DZANK1: variants seen among roughly 807,000 people sequenced by gnomAD.
The protein encoded by DZANK1 is double zinc ribbon and ankyrin repeat-containing protein 1.
DZANK1 carries 91 observed loss-of-function variants against 94.5 expected under a neutral mutation model. The ratio of observed to expected loss-of-function variants is 0.96; its 90% CI spans 0.81 to 1.15. DZANK1 has a LOEUF of 1.15. Among genes scored for constraint, DZANK1 ranks in the 50% most tolerant of loss-of-function variants. The probability of loss-of-function intolerance (pLI) is 0.00; values close to 1 mark genes in which losing one functional copy is unlikely to be tolerated. For missense variants in DZANK1, 903 were observed against 916.4 expected (o/e 0.99, Z 0.19); for synonymous variants, 312 against 325.3 (o/e 0.96, Z 0.44).
At chr20:18,457,284 G>A (rs1055688546) in intron 3 of DZANK1, among the ~76,000 whole-genome samples, 1 of 152,110 alleles carries the variant, frequency 6.6e-6, no homozygotes, top group East Asian at 1.9e-4. Flanking sequence ...CGACCAGCCT[G>A]GCCAACATAG....
At chr20:18,458,907 G>A (rs557549301) in intron 3 of DZANK1, among the ~76,000 whole-genome samples, 1 of 152,280 alleles carries the variant, frequency 6.6e-6, no homozygotes, top group East Asian at 1.9e-4. Context: ...AAACTCAAAC[G>A]TTTTTAAATA....
chr20:18,437,182 A>G (rs796604640), intron 8 of DZANK1, among the ~76,000 whole-genome samples: 3 of 152,362 alleles, frequency 2.0e-5, no homozygotes, highest in African/African-American at 7.2e-5. Flanking sequence ...ATAAGATTGT[A>G]TAACACCGCA....
intron 13 of DZANK1, among the ~76,000 whole-genome samples, chr20:18,406,238 TA>T (rs2056956309): frequency 6.6e-6 from 1 of 152,202 alleles, no homozygotes; most frequent in African/African-American, 2.4e-5. Context: ...GGAGGACTTG[TA>T]ATATTCCTTC....
chr20:18,463,792 C>T (rs1274151481), intron 2 of DZANK1, among the ~76,000 whole-genome samples: 1 of 152,054 alleles, frequency 6.6e-6, no homozygotes, highest in Admixed American at 6.6e-5. Context: ...AGTTAGAACT[C>T]TTGGTCTAAG....
In DZANK1 at chr20:18,390,605, GCCCACA is replaced by G. The variant is rs543036248; in HGVS notation, c.1810-152_1810-147del. ...GTGAGTGTGTGAGTGGTCTTTAATAGCCCACAGCACAAATATCCACATCTAATATCA... is the reference window on the plus strand; with the variant it reads ...GTGAGTGTGTGAGTGGTCTTTAATAGGCACAAATATCCACATCTAATATCA... On this transcript the variant is annotated intron_variant, in intron 17 of 20. Coordinates refer to ENST00000262547, the Ensembl canonical transcript of DZANK1. 246 of 694,704 alleles carry G rather than the reference GCCCACA, an allele frequency of 3.5e-4. No homozygotes were observed. The African/African-American group carries it at 3.9e-3, about 11-fold the overall frequency. The allele number at this position is 694,704 out of a possible 1,614,324, so 43.0% of individuals were successfully genotyped here.
At chr20:18,397,033 A>G (rs1356966128) in intron 14 of DZANK1, among the ~76,000 whole-genome samples, 2 of 152,366 alleles carry the variant, frequency 1.3e-5, no homozygotes, top group South Asian at 4.1e-4. Context: ...AGGGTCAGAT[A>G]GTAAATATTT....
rs1008459774 is a variant in DZANK1, at chr20:18,384,633, T to C, written c.2094-69A>G. On this transcript the variant is annotated intron_variant, in intron 20 of 20. Transcript: ENST00000262547. ...ACATGTGACCCTAAGAGCTTGACTC[T>C]ACCCTGCCATGGAGGCCAGGCTGGG... The C allele has an allele frequency of 6.8e-6, 10 of 1,469,482 alleles. No homozygotes were observed. In the African/African-American group the frequency reaches 1.3e-4, roughly 19 times the overall value. The allele number at this position is 1,469,482 out of a possible 1,614,324, so 91.0% of individuals were successfully genotyped here.
chr20:18,392,810 C>CAAACT (rs1351188468), intron 17 of DZANK1, among the ~76,000 whole-genome samples: 1 of 151,998 alleles, frequency 6.6e-6, no homozygotes, highest in Non-Finnish European at 1.5e-5. Flanking sequence ...CAAACCAAAC[C>CAAACT]AAACCAACAA....
chr20:18,404,458 T>C (rs976623848), intron 13 of DZANK1, among the ~76,000 whole-genome samples: 1 of 152,072 alleles, frequency 6.6e-6, no homozygotes. Context: ...AGCTTCATAC[T>C]GTGGGGGTGA....
chr20:18,401,945 G>C (rs916312557), intron 13 of DZANK1, among the ~76,000 whole-genome samples: 2 of 152,152 alleles, frequency 1.3e-5, no homozygotes, highest in Non-Finnish European at 2.9e-5. Context: ...GGGATGTGAG[G>C]AGTGATTCTG....
rs1307228355 is a variant in DZANK1 at position 18,443,479 on chromosome 20, G to A, written c.630-15C>T. 1.4e-6 allele frequency: 2 copies of A among 1,383,048 alleles called. No individual in the cohort carries two copies. Among genetic ancestry groups the A allele is most frequent in the Non-Finnish European group, 1.9e-6 (2 of 1,047,908 alleles). The allele number at this position is 1,383,048 out of a possible 1,614,324, so 85.7% of individuals were successfully genotyped here. A position where few individuals can be genotyped will look rare whatever the true frequency, so the allele number is the denominator to read the frequency against. ...AGTGGGCACACCTACAACAAAACAG[G>A]TTCCCGATTGGCCATGTTCTGGTGG... On this transcript the variant is annotated splice_polypyrimidine_tract_variant and intron_variant, in intron 7 of 20. Coordinates refer to ENST00000262547, the Ensembl canonical transcript of DZANK1.
chr20:18,384,893 G>T, intron 20 of DZANK1, 123 bp downstream of exon 20: 1 of 932,266 alleles, frequency 1.1e-6, no homozygotes, highest in Non-Finnish European at 1.6e-6. Context: ...GCCATGGTGG[G>T]ATGGTGGTCC....
intron 19 of DZANK1, among the ~76,000 whole-genome samples, chr20:18,389,131 G>C (rs535439314): frequency 6.6e-6 from 1 of 152,188 alleles, no homozygotes; most frequent in Non-Finnish European, 1.5e-5. Context: ...TAGAAGAGAA[G>C]GTTATTGGAC....
intron 3 of DZANK1, among the ~76,000 whole-genome samples, chr20:18,459,147 C>A (rs1254537267): frequency 1.3e-5 from 2 of 152,182 alleles, no homozygotes; most frequent in Admixed American, 1.3e-4. Context: ...CATTTGGCCA[C>A]CAGAGTATTG....
At chr20:18,430,273 T>C (rs1169080362) in intron 9 of DZANK1, among the ~76,000 whole-genome samples, 1 of 152,118 alleles carries the variant, frequency 6.6e-6, no homozygotes, top group Non-Finnish European at 1.5e-5. Context: ...CAAATCACGG[T>C]GTGAGAGGCT....
chr20:18,427,345 G>GA (rs1201804429), intron 9 of DZANK1, among the ~76,000 whole-genome samples, 186 bp from the exon 10 acceptor site: 2 of 146,494 alleles, frequency 1.4e-5, no homozygotes, highest in African/African-American at 5.0e-5. Context: ...GTTTTTTTGG[G>GA]TTTTTTTTTT....
intron 6 of DZANK1, 68 bp from the exon 7 acceptor site, chr20:18,449,137 A>T: frequency 7.6e-7 from 1 of 1,312,472 alleles, no homozygotes; most frequent in Non-Finnish European, 1.1e-6. Flanking sequence ...AGGCTATGGT[A>T]TAGTAAAATT....
chr20:18,449,104 A>G, intron 6 of DZANK1, 35 bp from the exon 7 acceptor site: 1 of 1,545,360 alleles, frequency 6.5e-7, no homozygotes, highest in Non-Finnish European at 8.9e-7. Flanking sequence ...AGACAGAGTC[A>G]TATAGTCAAA....
intron 3 of DZANK1, among the ~76,000 whole-genome samples, chr20:18,456,932 G>A (rs894586348): frequency 2.0e-5 from 3 of 152,150 alleles, no homozygotes; most frequent in African/African-American, 7.2e-5. Context: ...CTGAGGAGTG[G>A]AATTGTTGGG....
Sources: gnomAD v4.1 joint callset for allele counts (sites outside exome capture counted in the v4.1 genomes callset) on GRCh38, gnomAD v4.1.1 for gene constraint, MANE v1.5 for transcripts, NCBI Gene and HGNC (gene_info 2026-07-23, HGNC 2026-07-21) for gene names.